Variants in REEP1 observed in about 807,000 individuals in gnomAD.
REEP1 encodes receptor expression-enhancing protein 1.
Under a neutral mutation model 40.3 loss-of-function variants are expected in REEP1, and 22 were observed. The observed-to-expected ratio is 0.55, with a 90% CI of 0.39 to 0.78. REEP1 has a LOEUF of 0.78. Among genes scored for constraint, REEP1 ranks in the 30% least tolerant of loss-of-function variants. The pLI, the probability that REEP1 is intolerant of heterozygous loss-of-function variation, is 0.00. For synonymous variants in REEP1, 116 were observed against 139.2 expected, an observed-to-expected ratio of 0.83 and a Z score of 1.17; for missense variants, 280 against 361.1, an observed-to-expected ratio of 0.78 and a Z score of 1.82.
chr2:86,293,988 A>G (rs1176525143), intron 1 of REEP1, among the ~76,000 whole-genome samples: 2 of 152,226 alleles, frequency 1.3e-5, no homozygotes, highest in African/African-American at 4.8e-5. Flanking sequence ...TGGATGAACT[A>G]TGAGTATATT....
chr2:86,280,866 G>GA (rs903449469), intron 2 of REEP1, among the ~76,000 whole-genome samples: 1 of 151,856 alleles, frequency 6.6e-6, no homozygotes, highest in African/African-American at 2.4e-5. Context: ...GGAAATCTGA[G>GA]AAAAAAAATA....
chr2:86,305,477 T>C lies in REEP1; in HGVS notation c.33-23235A>G, dbSNP rs185736175. On this transcript the variant is annotated intron_variant, in intron 1 of 8. Transcript: ENST00000538924. ...GTGGGAGATTTCCTCTTGGATCACA[T>C]ATCCTTGCCTTAAGCCAATTTCCCT... 5.8e-4 allele frequency among the ~76,000 whole-genome samples: 89 copies of C among 152,324 alleles called. 1 individual carries two copies. The highest frequency in any genetic ancestry group is 1.9e-3 in the African/African-American group (81 of 41,576).
intron 1 of REEP1, among the ~76,000 whole-genome samples, chr2:86,282,483 G>A (rs910845070): frequency 3.3e-5 from 5 of 152,014 alleles, no homozygotes; most frequent in Non-Finnish European, 1.5e-5. Flanking sequence ...CAACATGGAA[G>A]GGTGGTTGGG....
At chr2:86,223,079 G>A (rs1306450813) in intron 7 of REEP1, among the ~76,000 whole-genome samples, 1 of 152,234 alleles carries the variant, frequency 6.6e-6, no homozygotes, top group Non-Finnish European at 1.5e-5. Context: ...GCAAACCTCA[G>A]GTGATGGTGG....
chr2:86,301,361 C>T (rs551176096), intron 1 of REEP1, among the ~76,000 whole-genome samples: 67 of 152,324 alleles, frequency 4.4e-4, no homozygotes, highest in African/African-American at 1.5e-3. Flanking sequence ...CCCTGCATAC[C>T]GGGCAGGGCA....
At chr2:86,307,648 C>G (rs1225615649) in intron 1 of REEP1, among the ~76,000 whole-genome samples, 2 of 151,862 alleles carry the variant, frequency 1.3e-5, no homozygotes, top group African/African-American at 4.8e-5. Context: ...GTAGTCCCAG[C>G]TTTGCAGGAG....
chr2:86,319,798 A>G (rs531168691), intron 1 of REEP1, among the ~76,000 whole-genome samples: 1 of 152,362 alleles, frequency 6.6e-6, no homozygotes, highest in South Asian at 2.1e-4. Context: ...CCCCTAATCC[A>G]ATATGACTAG....
At chr2:86,282,999 G>A (rs1265992377) in intron 1 of REEP1, among the ~76,000 whole-genome samples, 2 of 152,044 alleles carry the variant, frequency 1.3e-5, no homozygotes, top group African/African-American at 4.8e-5. Context: ...TCCTTCTGGA[G>A]TCTTCCTTCC....
At chr2:86,236,738 AT>A (rs139892865) in intron 5 of REEP1, among the ~76,000 whole-genome samples, 44,533 of 145,740 alleles carry the variant, frequency 0.31, 7,902 homozygotes, top group East Asian at 0.61. Flanking sequence ...ATTTTCATCA[AT>A]TTTTTTTTTT....
chr2:86,234,255 T>C (rs1675176629), intron 5 of REEP1, among the ~76,000 whole-genome samples: 1 of 152,112 alleles, frequency 6.6e-6, no homozygotes, highest in African/African-American at 2.4e-5. Flanking sequence ...TGGTGGCTCA[T>C]GCCTGTAATC....
At chr2:86,225,490 C>T (rs574974394) in intron 7 of REEP1, among the ~76,000 whole-genome samples, 10 of 152,262 alleles carry the variant, frequency 6.6e-5, no homozygotes, top group East Asian at 1.9e-4. Context: ...AGGCTGGTCT[C>T]GAACTCCCGA....
In REEP1 at chr2:86,245,997, C is replaced by G. The variant is rs1675932119; in HGVS notation, c.417+5960G>C. 2.0e-5 allele frequency among the ~76,000 whole-genome samples: 3 copies of G among 152,108 alleles called. No homozygotes were observed. In the South Asian group the frequency reaches 6.2e-4, roughly 32 times the overall value. ...GCCAGGATGGTCTCGATCTCCTGACCTCGTGATCCGCCCGCCTTGGCCTCC... is the reference window on the plus strand; with the variant it reads ...GCCAGGATGGTCTCGATCTCCTGACGTCGTGATCCGCCCGCCTTGGCCTCC... On this transcript the variant is annotated intron_variant, in intron 5 of 8. Coordinates refer to ENST00000538924, the MANE Select transcript of REEP1 (RefSeq NM_001371279.1).
intron 7 of REEP1, 152 bp from the exon 8 acceptor site, chr2:86,220,273 GT>G (rs1674343958): frequency 2.3e-6 from 1 of 430,644 alleles, no homozygotes; most frequent in Non-Finnish European, 3.9e-6. Context: ...AAGCACTGAT[GT>G]TTTGGGGGCC....
At chr2:86,331,147 C>A (rs1458864912) in intron 1 of REEP1, among the ~76,000 whole-genome samples, 2 of 152,168 alleles carry the variant, frequency 1.3e-5, no homozygotes, top group African/African-American at 4.8e-5. Context: ...ACTTTCTCCA[C>A]GTATGCCAGG....
chr2:86,329,583 C>G (rs189601510), intron 1 of REEP1, among the ~76,000 whole-genome samples: 127 of 152,298 alleles, frequency 8.3e-4, no homozygotes, highest in Non-Finnish European at 1.3e-3. Flanking sequence ...ATGAAAACCT[C>G]AGGCAAGTCC....
At chr2:86,335,476 T>TTTAGAAAGCAACAGCAC (rs1350036086) in intron 1 of REEP1, among the ~76,000 whole-genome samples, 37 of 152,210 alleles carry the variant, frequency 2.4e-4, no homozygotes, top group African/African-American at 7.0e-4. Context: ...GTGTGGTTGT[T>TTTAGAAAGCAACAGCAC]TTAGAAAGCA....
At chr2:86,301,491 C>A (rs1313594498) in intron 1 of REEP1, among the ~76,000 whole-genome samples, 2 of 152,214 alleles carry the variant, frequency 1.3e-5, no homozygotes, top group African/African-American at 4.8e-5. Flanking sequence ...AAATAACTAA[C>A]AACAATTCCT....
At chr2:86,335,405 A>C (rs1416560528) in intron 1 of REEP1, among the ~76,000 whole-genome samples, 1 of 152,132 alleles carries the variant, frequency 6.6e-6, no homozygotes, top group Non-Finnish European at 1.5e-5. Context: ...AAATCCCATC[A>C]ACTCTCCTTG....
At chr2:86,271,004 C>A (rs987883352) in intron 2 of REEP1, among the ~76,000 whole-genome samples, 16 of 151,610 alleles carry the variant, frequency 1.1e-4, no homozygotes, top group Non-Finnish European at 1.5e-5. Flanking sequence ...CCAGCCTGGG[C>A]AACTTGGCAA....
Sources: gnomAD v4.1 joint callset for allele counts (sites outside exome capture counted in the v4.1 genomes callset) on GRCh38, gnomAD v4.1.1 for gene constraint, MANE v1.5 for transcripts, NCBI Gene and HGNC (gene_info 2026-07-23, HGNC 2026-07-21) for gene names.